Variants in CCDC171 observed in about 807,000 individuals in gnomAD.
CCDC171 encodes coiled-coil domain-containing protein 171.
A neutral mutation model predicts 168.2 loss-of-function variants in CCDC171; 177 were observed. That is an observed-to-expected ratio of 1.05 (90% CI 0.93 to 1.19). The LOEUF (loss-of-function observed/expected upper bound fraction) is 1.19, where lower values mean the gene tolerates loss of function less well. Ranked by LOEUF, CCDC171 falls within the 50% of genes most tolerant of loss-of-function variation. The probability of loss-of-function intolerance (pLI) is 0.00; values close to 1 mark genes in which losing one functional copy is unlikely to be tolerated. For synonymous variants in CCDC171, 687 were observed against 540.8 expected (o/e 1.27, Z -3.75); for missense variants, 1,991 against 1,539.0 (o/e 1.29, Z -4.91).
chr9:15,578,065 T>A (rs535736455), intron 3 of CCDC171, among the ~76,000 whole-genome samples: 1 of 152,180 alleles, frequency 6.6e-6, no homozygotes, highest in Non-Finnish European at 1.5e-5. Context: ...AGTGATATCA[T>A]AATCAAGAGA....
At chr9:15,665,908 G>T (rs2048700876) in intron 8 of CCDC171, among the ~76,000 whole-genome samples, 1 of 152,158 alleles carries the variant, frequency 6.6e-6, no homozygotes, top group Non-Finnish European at 1.5e-5. Context: ...TTCTTTGATA[G>T]AATGGGTTAT....
At chr9:15,915,796 A>G (rs1296953311) in intron 24 of CCDC171, among the ~76,000 whole-genome samples, 1 of 152,104 alleles carries the variant, frequency 6.6e-6, no homozygotes, top group East Asian at 1.9e-4. Context: ...TTCTCTGCCT[A>G]GTTCTTTGAG....
intron 3 of CCDC171, among the ~76,000 whole-genome samples, chr9:15,981,895 A>G (rs1172471416): frequency 6.6e-6 from 1 of 152,182 alleles, no homozygotes; most frequent in South Asian, 2.1e-4. Context: ...ATTGTACTAT[A>G]AAGTAGAATA....
intron 23 of CCDC171, among the ~76,000 whole-genome samples, chr9:15,861,619 C>G (rs1176897489): frequency 1.3e-5 from 2 of 151,868 alleles, no homozygotes; most frequent in African/African-American, 4.8e-5. Flanking sequence ...TAATCACATG[C>G]AAAAACTCTA....
intron 6 of CCDC171, among the ~76,000 whole-genome samples, chr9:16,023,829 T>A (rs1401797052): frequency 6.7e-6 from 1 of 149,844 alleles, no homozygotes; most frequent in Non-Finnish European, 1.5e-5. Context: ...TCAGACAGAA[T>A]AATGCCACCC....
At chr9:15,775,477 C>T (rs1043644217) in intron 18 of CCDC171, among the ~76,000 whole-genome samples, 1 of 152,118 alleles carries the variant, frequency 6.6e-6, no homozygotes, top group African/African-American at 2.4e-5. Context: ...TGCCACCACG[C>T]CCGGCTAATT....
At chr9:16,034,178 A>C (rs1340332332) in intron 6 of CCDC171, among the ~76,000 whole-genome samples, 1 of 152,214 alleles carries the variant, frequency 6.6e-6, no homozygotes, top group Non-Finnish European at 1.5e-5. Context: ...TGCTAGGTTC[A>C]GTCACTGGCT....
chr9:15,619,977 C>A (rs1191567962), intron 6 of CCDC171, among the ~76,000 whole-genome samples: 2 of 152,204 alleles, frequency 1.3e-5, no homozygotes, highest in African/African-American at 2.4e-5. Flanking sequence ...CAGCTCATCT[C>A]TTTACAGAAT....
intron 2 of CCDC171, among the ~76,000 whole-genome samples, chr9:15,569,842 C>CA (rs796847983): frequency 2.1e-5 from 1 of 48,404 alleles, no homozygotes; most frequent in African/African-American, 6.2e-5. Context: ...AAAAAACAAA[C>CA]AAACAAAAAA....
At chr9:15,823,761 G>C (rs1000970007) in intron 21 of CCDC171, among the ~76,000 whole-genome samples, 1 of 151,996 alleles carries the variant, frequency 6.6e-6, no homozygotes, top group African/African-American at 2.4e-5. Context: ...CATAGCAGGA[G>C]ATTTTTGTAT....
chr9:16,052,447 C>T (rs751309932), intron 1 of CCDC171, among the ~76,000 whole-genome samples: 40 of 152,268 alleles, frequency 2.6e-4, no homozygotes, highest in African/African-American at 7.0e-4. Context: ...TACACATGTG[C>T]GGCCTCCTTT....
chr9:16,031,709 C>A (rs960614822), intron 6 of CCDC171, among the ~76,000 whole-genome samples: 1 of 152,294 alleles, frequency 6.6e-6, no homozygotes, highest in East Asian at 1.9e-4. Context: ...TACACTGAAT[C>A]ATAATATGTA....
chr9:15,909,366 T>C (rs1217901657), intron 24 of CCDC171, among the ~76,000 whole-genome samples: 5 of 151,168 alleles, frequency 3.3e-5, no homozygotes, highest in African/African-American at 1.2e-4. Flanking sequence ...CTGATAGCAT[T>C]TTTAGCAGCT....
chr9:15,595,509 T>C (rs908617296), intron 6 of CCDC171, among the ~76,000 whole-genome samples: 8 of 152,320 alleles, frequency 5.3e-5, no homozygotes, highest in African/African-American at 1.9e-4. Context: ...TAGTATTCCA[T>C]GGTGTATATG....
intron 18 of CCDC171, among the ~76,000 whole-genome samples, chr9:15,755,451 AACAT>A (rs1339413262): frequency 6.6e-6 from 1 of 152,180 alleles, no homozygotes; most frequent in Non-Finnish European, 1.5e-5. Context: ...GAGAAAGGAA[AACAT>A]ACATTCATAC....
At chr9:15,644,949 G>A (rs887473234) in intron 7 of CCDC171, among the ~76,000 whole-genome samples, 11 of 152,230 alleles carry the variant, frequency 7.2e-5, no homozygotes, top group Non-Finnish European at 1.3e-4. Context: ...ACCTCTTCAA[G>A]AGGGTCCCTG....
chr9:15,867,597 C>G (rs995328999), intron 23 of CCDC171, among the ~76,000 whole-genome samples: 5 of 152,008 alleles, frequency 3.3e-5, no homozygotes, highest in Admixed American at 3.3e-4. Context: ...TGTCATTATT[C>G]ATATTGTTCG....
intron 6 of CCDC171, among the ~76,000 whole-genome samples, chr9:15,612,507 A>T (rs757594493): frequency 3.9e-5 from 6 of 152,120 alleles, no homozygotes; most frequent in Non-Finnish European, 8.8e-5. Context: ...TTTTTAACTT[A>T]TGATCTTCTG....
At chr9:15,856,133 A>G (rs1020296457) in intron 23 of CCDC171, among the ~76,000 whole-genome samples, 1 of 151,854 alleles carries the variant, frequency 6.6e-6, no homozygotes, top group African/African-American at 2.4e-5. Context: ...TTATCTTGGA[A>G]TGTCTTAATT....
Sources: gnomAD v4.1 joint callset for allele counts (sites outside exome capture counted in the v4.1 genomes callset) on GRCh38, gnomAD v4.1.1 for gene constraint, MANE v1.5 for transcripts, NCBI Gene and HGNC (gene_info 2026-07-23, HGNC 2026-07-21) for gene names.